Variants in RNF111 observed in about 807,000 individuals in gnomAD.
RNF111 encodes ring finger protein 111, also known as E3 ubiquitin-protein ligase Arkadia.
Under a neutral mutation model 95.1 loss-of-function variants are expected in RNF111, and 17 were observed. The ratio of observed to expected loss-of-function variants is 0.18; its 90% CI spans 0.12 to 0.27. The LOEUF is 0.27. Among genes scored for constraint, RNF111 ranks in the 10% least tolerant of loss-of-function variants. RNF111 has a pLI of 1.00. For synonymous variants in RNF111, 440 were observed against 414.8 expected, an observed-to-expected ratio of 1.06 and a Z score of -0.74; for missense variants, 1,189 against 1,210.4, an observed-to-expected ratio of 0.98 and a Z score of 0.26.
chr15:59,061,310 C>T (rs901105415), intron 5 of RNF111, among the ~76,000 whole-genome samples: 2 of 152,116 alleles, frequency 1.3e-5, no homozygotes, highest in Non-Finnish European at 2.9e-5. Flanking sequence ...CTCCACAACC[C>T]GTCCTTATCT....
At chr15:59,038,551 T>C (rs1338822077) in intron 2 of RNF111, among the ~76,000 whole-genome samples, 2 of 152,216 alleles carry the variant, frequency 1.3e-5, no homozygotes, top group African/African-American at 4.8e-5. Context: ...AACAGAAATA[T>C]GCAATGAACT....
In RNF111 at chr15:59,009,711, T is replaced by C. The variant is rs183746115; in HGVS notation, c.-19-21093T>C. 1.8e-3 allele frequency among the ~76,000 whole-genome samples: 276 copies of C among 152,050 alleles called. 1 individual carries two copies. Among genetic ancestry groups the C allele is most frequent in the Middle Eastern group, 0.01 (3 of 294 alleles). ...GGCTCATGCCTGTAATCTCAACACT[T>C]TGAGAAGTTGAGGCAGGTAGATCAC... On this transcript the variant is annotated intron_variant, in intron 1 of 13. Transcript: ENST00000348370.
intron 1 of RNF111, among the ~76,000 whole-genome samples, chr15:58,993,704 G>A (rs2038920181): frequency 6.6e-6 from 1 of 152,196 alleles, no homozygotes; most frequent in Non-Finnish European, 1.5e-5. Context: ...AAAACAAAGG[G>A]CAGGCTCTTA....
intron 6 of RNF111, among the ~76,000 whole-genome samples, chr15:59,075,281 A>G (rs1396726838): frequency 1.3e-5 from 2 of 152,250 alleles, no homozygotes; most frequent in Non-Finnish European, 2.9e-5. Flanking sequence ...AACATCTGCA[A>G]AGCACTAAAT....
intron 1 of RNF111, among the ~76,000 whole-genome samples, chr15:58,990,886 C>T (rs60882297): frequency 0.054 from 8,280 of 151,952 alleles, 416 homozygotes; most frequent in African/African-American, 0.13. Context: ...TGTCTTATAC[C>T]TCTGTTTGTT....
chr15:58,991,123 C>T (rs1426373585), intron 1 of RNF111, among the ~76,000 whole-genome samples: 1 of 151,744 alleles, frequency 6.6e-6, no homozygotes, highest in African/African-American at 2.4e-5. Context: ...GAAACCCCGT[C>T]TGTACTAAAA....
At chr15:59,023,785 G>A (rs576856456) in intron 1 of RNF111, among the ~76,000 whole-genome samples, 21 of 152,084 alleles carry the variant, frequency 1.4e-4, no homozygotes, top group African/African-American at 4.8e-4. Context: ...TTAACCATCA[G>A]TTTTTTTCCC....
At position 59,037,191 on chromosome 15, in the gene RNF111, A is replaced by G. The variant is rs116569445; in HGVS notation, c.880+5489A>G. ...GAAAATATTTGCTTCTTGCTGTCCC[A>G]TTATTAATTGGCTTTTAACTTTATT... On this transcript the variant is annotated intron_variant, in intron 2 of 13. Coordinates refer to ENST00000348370, the MANE Select transcript of RNF111 (RefSeq NM_017610.8). Among the ~76,000 whole-genome samples the G allele has an allele frequency of 8.6e-3, 1,311 of 152,244 alleles. 31 individuals carry two copies. The highest frequency in any genetic ancestry group is 0.029 in the African/African-American group (1,216 of 41,546).
chr15:59,004,778 A>G (rs2039465096), intron 1 of RNF111, among the ~76,000 whole-genome samples: 1 of 152,184 alleles, frequency 6.6e-6, no homozygotes. Flanking sequence ...TTTTCCCTCC[A>G]CTATTGGAAT....
At chr15:59,034,948 T>A (rs1423625138) in intron 2 of RNF111, among the ~76,000 whole-genome samples, 6 of 152,194 alleles carry the variant, frequency 3.9e-5, no homozygotes, top group African/African-American at 1.4e-4. Flanking sequence ...AATAAAGACA[T>A]ACCCAAGACT....
chr15:58,993,411 G>A (rs992190488), intron 1 of RNF111, among the ~76,000 whole-genome samples: 2 of 151,898 alleles, frequency 1.3e-5, no homozygotes, highest in Non-Finnish European at 2.9e-5. Flanking sequence ...GGTGGTGGGT[G>A]CCTGTAATCC....
At chr15:58,990,841 T>TTA (rs1230623730) in intron 1 of RNF111, among the ~76,000 whole-genome samples, 1 of 152,176 alleles carries the variant, frequency 6.6e-6, no homozygotes, top group African/African-American at 2.4e-5. Context: ...AAACCTGTAA[T>TTA]TATTGTTCAG....
chr15:59,030,672 T>A (rs1487038070), intron 1 of RNF111, 132 bp from the exon 2 acceptor site: 1 of 589,464 alleles, frequency 1.7e-6, no homozygotes, highest in African/African-American at 1.9e-5. Context: ...TAACAGACAT[T>A]TTGTGTACTG....
chr15:59,050,870 G>T, intron 2 of RNF111, among the ~76,000 whole-genome samples: 1 of 152,122 alleles, frequency 6.6e-6, no homozygotes, highest in East Asian at 1.9e-4. Flanking sequence ...TAAATTTCCA[G>T]TATGTATTTC....
At chr15:59,061,663 C>G (rs141050053) in intron 5 of RNF111, among the ~76,000 whole-genome samples, 66 of 152,310 alleles carry the variant, frequency 4.3e-4, no homozygotes, top group Non-Finnish European at 7.6e-4. Context: ...CCTTCCAGTT[C>G]CTTTATCTGT....
At chr15:59,093,469 C>T (rs8039612) in intron 13 of RNF111, 4,566 of 431,936 alleles carry the variant, frequency 0.011, 190 homozygotes, top group African/African-American at 0.086. Context: ...CCTCAGCCTC[C>T]CAAAATGCTG....
At chr15:59,083,291 T>TA (rs756795801) in intron 8 of RNF111, among the ~76,000 whole-genome samples, 13 of 152,194 alleles carry the variant, frequency 8.5e-5, no homozygotes, top group Admixed American at 6.5e-4. Context: ...CTCATGTCTG[T>TA]AATCCCAGCA....
At chr15:59,056,929 A>G (rs1165073962) in intron 4 of RNF111, among the ~76,000 whole-genome samples, 2 of 152,170 alleles carry the variant, frequency 1.3e-5, no homozygotes, top group African/African-American at 4.8e-5. Context: ...AGTAAGTTCA[A>G]CCAGAATTTA....
intron 2 of RNF111, among the ~76,000 whole-genome samples, chr15:59,047,800 C>T (rs1324613437): frequency 6.6e-6 from 1 of 152,156 alleles, no homozygotes; most frequent in Non-Finnish European, 1.5e-5. Flanking sequence ...GGATTGAACT[C>T]CTTAGCTCGA....
Sources: allele counts gnomAD v4.1 joint callset (sites outside exome capture counted in the v4.1 genomes callset), GRCh38; gene constraint gnomAD v4.1.1; transcripts MANE v1.5; gene names NCBI Gene and HGNC (gene_info 2026-07-23, HGNC 2026-07-21).